PDZD8: variants seen among roughly 807,000 people sequenced by gnomAD.
PDZD8 encodes PDZ domain containing 8, also known as PDZ domain-containing protein 8.
In PDZD8, 14 loss-of-function variants were observed where a neutral mutation model predicts 85.8. The ratio of observed to expected loss-of-function variants is 0.16; its 90% CI spans 0.11 to 0.26. The LOEUF is 0.26. Among genes scored for constraint, PDZD8 ranks in the 10% least tolerant of loss-of-function variants. The pLI, the probability that PDZD8 is intolerant of heterozygous loss-of-function variation, is 1.00. For missense variants in PDZD8, 1,197 were observed against 1,424.3 expected (o/e 0.84, Z 2.57); for synonymous variants, 592 against 568.6 (o/e 1.04, Z -0.59).
In PDZD8 at chr10:117,284,648, T is replaced by C. The variant is rs1844628684; in HGVS notation, c.2085A>G (p.Arg695=). ...LYRNKLGKWT[R]TRASCLFDIE... ...TGTCAAACAAACAGGATGCTCTGGT[T>C]CTTGTCCATTTTCCTAGCTTATTAC... The change falls in exon 5 of 5, where the codon AGA becomes AGG. Residue 695 remains arginine, a synonymous_variant. Coordinates refer to ENST00000334464, the MANE Select transcript of PDZD8 (RefSeq NM_173791.5). The C allele has an allele frequency of 6.2e-7, 1 of 1,614,098 alleles. No homozygotes were observed. The highest frequency in any genetic ancestry group is 1.3e-5 in the African/African-American group (1 of 74,932).
intron 1 of PDZD8, among the ~76,000 whole-genome samples, chr10:117,342,273 A>C (rs1844626723): frequency 6.6e-6 from 1 of 152,174 alleles, no homozygotes; most frequent in Non-Finnish European, 1.5e-5. Flanking sequence ...AGAAAAAGAA[A>C]ATGAAAGAAA....
At chr10:117,292,135 T>A (rs193154408) in intron 3 of PDZD8, among the ~76,000 whole-genome samples, 1 of 152,320 alleles carries the variant, frequency 6.6e-6, no homozygotes, top group East Asian at 1.9e-4. Flanking sequence ...TCACTGGAAG[T>A]TGCTCTTTAA....
In PDZD8 at chr10:117,279,848, A is replaced by T. The variant is rs1313818244; in HGVS notation, c.*3420T>A. The T allele has an allele frequency of 6.6e-6, 1 of 152,170 alleles. No individual in the cohort carries two copies. Among genetic ancestry groups the T allele is most frequent in the African/African-American group, 2.4e-5 (1 of 41,432 alleles). 9.4% of individuals were successfully genotyped at this position (152,170 alleles called of 1,614,324 possible). On this transcript the variant is annotated 3_prime_UTR_variant, in exon 5 of 5. Coordinates refer to ENST00000334464, the MANE Select transcript of PDZD8 (RefSeq NM_173791.5). ...GGTGAAAGTCCACATCTTTAATCAG[A>T]TCCTAAAAGCGGATCTATGGCCCAA...
chr10:117,375,044 C>T lies in PDZD8; in HGVS notation c.184G>A (p.Gly62Ser). The change falls in exon 1 of 5, where the codon GGC (glycine) becomes AGC (serine). Residue 62 changes from glycine to serine, a missense_variant. By Grantham distance (56) the Gly-to-Ser change is moderately conservative. This residue lies in a region of PDZD8 where 172 missense variants were observed against 137.8 expected (regional missense o/e 1.25). Coordinates refer to ENST00000334464, the MANE Select transcript of PDZD8 (RefSeq NM_173791.5). ...GAGGGCTCCTCATCCCGGCCGCCGCCATAAAGGTACTCCCTTAGGAGCAGG... is the reference window on the plus strand; with the variant it reads ...GAGGGCTCCTCATCCCGGCCGCCGCTATAAAGGTACTCCCTTAGGAGCAGG... ...PGLLLREYLY[G>S]GGRDEEPSGA... 1 of 1,597,230 alleles carries T rather than the reference C, an allele frequency of 6.3e-7. No homozygotes were observed. The highest frequency in any genetic ancestry group is 8.5e-7 in the Non-Finnish European group (1 of 1,173,346).
intron 3 of PDZD8, among the ~76,000 whole-genome samples, chr10:117,311,392 GGAA>G (rs1466341492): frequency 1.3e-5 from 2 of 152,114 alleles, no homozygotes; most frequent in East Asian, 1.9e-4. Context: ...TTGAAGGTCT[GGAA>G]GAAGAAGGGT....
At chr10:117,322,034 A>C (rs1844234295) in intron 2 of PDZD8, among the ~76,000 whole-genome samples, 1 of 152,228 alleles carries the variant, frequency 6.6e-6, no homozygotes, top group South Asian at 2.1e-4. Flanking sequence ...CAAATACCAC[A>C]GAAAAAGTTT....
intron 1 of PDZD8, among the ~76,000 whole-genome samples, chr10:117,366,862 G>A (rs757436850): frequency 2.6e-5 from 4 of 152,176 alleles, no homozygotes; most frequent in Admixed American, 6.5e-5. Flanking sequence ...CTCCCACATA[G>A]GAGTTTTAAC....
rs1450166005 is a variant in PDZD8, at chr10:117,277,993, CCAAA to C, written c.*5271_*5274del. On this transcript the variant is annotated 3_prime_UTR_variant, in exon 5 of 5. Transcript: ENST00000334464. ...ATGTTCCGAAAGCAGAGAAAAGCAA[CCAAA>C]CATATTGTTATGAACTAAAAGCTTT... is the stretch of plus-strand genomic sequence containing the variant. The C allele has an allele frequency of 2.0e-5, 3 of 152,158 alleles. No homozygotes were observed. The highest frequency in any genetic ancestry group is 2.0e-4 in the Admixed American group (3 of 15,270). 9.4% of individuals were successfully genotyped at this position (152,158 alleles called of 1,614,324 possible). A position where few individuals can be genotyped will look rare whatever the true frequency, so the allele number is the denominator to read the frequency against.
Position 117,374,255 on chromosome 10 carries a change from C to A in PDZD8, c.872+101G>T. The A allele has an allele frequency of 2.6e-6, 4 of 1,515,778 alleles. No homozygotes were observed. The highest frequency in any genetic ancestry group is 3.6e-6 in the Non-Finnish European group (4 of 1,126,492). The allele number at this position is 1,515,778 out of a possible 1,614,324, so 93.9% of individuals were successfully genotyped here. A position where few individuals can be genotyped will look rare whatever the true frequency, so the allele number is the denominator to read the frequency against. ...AGGGTGGGAAGGCCCCAGAAGCAGG[C>A]GCCAGGACAGAAATGAGCCTTTGCC... On this transcript the variant is annotated intron_variant, in intron 1 of 4. Transcript: ENST00000334464. The surrounding 1 kb of genome is among the most constrained non-coding windows in gnomAD (Gnocchi z 7.8).
intron 1 of PDZD8, among the ~76,000 whole-genome samples, chr10:117,345,328 A>T (rs1844686128): frequency 6.6e-6 from 1 of 152,220 alleles, no homozygotes; most frequent in Non-Finnish European, 1.5e-5. Flanking sequence ...ACAGGAAATA[A>T]GACAGCTGGG....
Position 117,375,210 on chromosome 10 carries a change from C to T in PDZD8, c.18G>A (p.Met6Ile). The T allele has an allele frequency of 6.5e-7, 1 of 1,531,182 alleles. No individual in the cohort carries two copies. Among genetic ancestry groups the T allele is most frequent in the Non-Finnish European group, 8.8e-7 (1 of 1,142,728 alleles). 94.8% of individuals were successfully genotyped at this position (1,531,182 alleles called of 1,614,324 possible). ...AACCCAGCACGGCCGACGCCAGGATCATGAGCAGCAGCCCCATCCCGCCAC... is the reference window on the plus strand; with the variant it reads ...AACCCAGCACGGCCGACGCCAGGATTATGAGCAGCAGCCCCATCCCGCCAC... MGLLL[M>I]ILASAVLGSF... The change falls in exon 1 of 5, where the codon ATG becomes ATA. Residue 6 changes from methionine (M) to isoleucine (I), a missense_variant. By Grantham distance (10) the Met-to-Ile change is conservative. Transcript: ENST00000334464.
At chr10:117,326,452 C>G (rs771375507) in intron 2 of PDZD8, among the ~76,000 whole-genome samples, 25 of 152,216 alleles carry the variant, frequency 1.6e-4, no homozygotes, top group Non-Finnish European at 3.4e-4. Context: ...GCCTCCTCAT[C>G]ATAATGAGAC....
intron 3 of PDZD8, among the ~76,000 whole-genome samples, chr10:117,296,905 A>T (rs1253645681): frequency 1.3e-5 from 2 of 150,546 alleles, no homozygotes; most frequent in Non-Finnish European, 3.0e-5. Context: ...TGACACAAAC[A>T]GTATAAATCT....
chr10:117,325,076 A>C (rs550924523), intron 2 of PDZD8, among the ~76,000 whole-genome samples: 76 of 152,150 alleles, frequency 5.0e-4, no homozygotes, highest in Non-Finnish European at 9.3e-4. Flanking sequence ...TGACCAGACA[A>C]CTTCAAGGAA....
chr10:117,347,585 T>C (rs1211461353), intron 1 of PDZD8, among the ~76,000 whole-genome samples: 2 of 152,196 alleles, frequency 1.3e-5, no homozygotes, highest in African/African-American at 4.8e-5. Context: ...ATGTCACTCA[T>C]ATTTGGCTCA....
intron 1 of PDZD8, among the ~76,000 whole-genome samples, chr10:117,358,188 C>T (rs887763657): frequency 6.6e-6 from 1 of 152,102 alleles, no homozygotes; most frequent in African/African-American, 2.4e-5. Context: ...GTTCTGTAAT[C>T]TTAGAGACCT....
At chr10:117,338,517 C>T (rs1223285170) in intron 2 of PDZD8, among the ~76,000 whole-genome samples, 1 of 152,016 alleles carries the variant, frequency 6.6e-6, no homozygotes, top group African/African-American at 2.4e-5. Flanking sequence ...AATTTTTGAC[C>T]AGGTGATAAA....
At chr10:117,322,994 G>A (rs969122175) in intron 2 of PDZD8, among the ~76,000 whole-genome samples, 5 of 152,154 alleles carry the variant, frequency 3.3e-5, no homozygotes, top group East Asian at 1.9e-4. Context: ...AATTTCTGAA[G>A]AGCTGAGTAC....
chr10:117,353,732 C>T (rs1259145058), intron 1 of PDZD8, among the ~76,000 whole-genome samples: 2 of 125,010 alleles, frequency 1.6e-5, no homozygotes, highest in Non-Finnish European at 3.1e-5. Context: ...TAATTACTGG[C>T]TACAGACAAA....
Sources: gnomAD v4.1 joint callset for allele counts (sites outside exome capture counted in the v4.1 genomes callset) on GRCh38, gnomAD v4.1.1 for gene constraint, gnomAD v4.1.1 regional missense constraint, Gnocchi (gnomAD v3.1) non-coding constraint, MANE v1.5 for transcripts, NCBI Gene and HGNC (gene_info 2026-07-23, HGNC 2026-07-21) for gene names.